The following TSPAN15 variants were observed in gnomAD, a reference collection of about 807,000 sequenced individuals.
The protein encoded by TSPAN15 is tetraspanin-15.
In TSPAN15, 20 loss-of-function variants were observed where a neutral mutation model predicts 34.5. That is an observed-to-expected ratio of 0.58 (90% CI 0.41 to 0.84). TSPAN15 has a LOEUF of 0.84. Ranked by LOEUF, TSPAN15 falls within the 40% of genes least tolerant of loss-of-function variation. The pLI is 0.00. For synonymous variants in TSPAN15, 155 were observed against 153.9 expected, an observed-to-expected ratio of 1.01 and a Z score of -0.05; for missense variants, 313 against 386.1, an observed-to-expected ratio of 0.81 and a Z score of 1.59.
chr10:69,523,616 C>T, the TSPAN15 span: 1 of 224,344 alleles, frequency 4.5e-6, no homozygotes, highest in Non-Finnish European at 8.7e-6. Context: ...GACGAGGCAC[C>T]CACGCCGGTG....
the TSPAN15 span, among the ~76,000 whole-genome samples, chr10:69,536,252 C>T: frequency 2.0e-5 from 3 of 152,170 alleles, no homozygotes; most frequent in Non-Finnish European, 4.4e-5. Flanking sequence ...TTAATGACTC[C>T]ATGGGAGCCA....
In TSPAN15 at chr10:69,478,355, C is replaced by A. The variant is rs10998824; in HGVS notation, c.97-5336C>A. Among the ~76,000 whole-genome samples the A allele has an allele frequency of 2.4e-4, 37 of 152,268 alleles. 1 individual carries two copies. The South Asian group carries it at 3.1e-3, about 13-fold the overall frequency. ...CTTGGAGTTTAGCTCTTCCCCACCC[C>A]CTTTCAAGCTAGAAAGTCTGAAAAG... On this transcript the variant is annotated intron_variant, in intron 1 of 7. Coordinates refer to ENST00000373290, the MANE Select transcript of TSPAN15 (RefSeq NM_012339.5).
intron 3 of TSPAN15, among the ~76,000 whole-genome samples, chr10:69,490,253 A>T (rs1841940298): frequency 3.9e-5 from 6 of 152,190 alleles, no homozygotes; most frequent in Admixed American, 3.9e-4. Flanking sequence ...CCAACACCTG[A>T]ATATATAAAG....
rs552415704 is a variant in TSPAN15, at chr10:69,497,204, T to A, written c.454-1076T>A. ...TACATTGCAGAAAGACAGTTCTAGG[T>A]CCCAAAACCTGGTGGCTTAAGGGGC... On this transcript the variant is annotated intron_variant, in intron 4 of 7. Coordinates refer to ENST00000373290, the MANE Select transcript of TSPAN15 (RefSeq NM_012339.5). Among the ~76,000 whole-genome samples, 6 of 152,248 alleles carry A rather than the reference T, an allele frequency of 3.9e-5. No homozygotes were observed. In the East Asian group the frequency reaches 1.2e-3, roughly 29 times the overall value.
chr10:69,474,499 T>C (rs1025482625), intron 1 of TSPAN15, among the ~76,000 whole-genome samples: 4 of 152,044 alleles, frequency 2.6e-5, no homozygotes, highest in Admixed American at 1.3e-4. Context: ...TTTCAAAGGG[T>C]CTGAGAGAAG....
chr10:69,496,320 CAATAATAATAAT>C (rs3028371), intron 4 of TSPAN15, among the ~76,000 whole-genome samples: 3,051 of 132,458 alleles, frequency 0.023, 99 homozygotes, highest in East Asian at 0.098. Flanking sequence ...TCTGTTGGTG[CAATAATAATAAT>C]AATAATAATA....
At chr10:69,487,490 G>A (rs554946636) in intron 3 of TSPAN15, among the ~76,000 whole-genome samples, 73 of 152,104 alleles carry the variant, frequency 4.8e-4, no homozygotes, top group African/African-American at 1.6e-3. Context: ...ATTTGCCCAT[G>A]GGGCTGCCTC....
chr10:69,485,341 A>G (rs1180495887), intron 3 of TSPAN15, 126 bp downstream of exon 3: 1 of 815,868 alleles, frequency 1.2e-6, no homozygotes, highest in Non-Finnish European at 2.1e-6. Flanking sequence ...TTCTGCTGAA[A>G]GAGAATGACA....
chr10:69,504,604 C>A, intron 6 of TSPAN15, 119 bp downstream of exon 6: 1 of 1,071,410 alleles, frequency 9.3e-7, no homozygotes, highest in Non-Finnish European at 1.4e-6. Context: ...ACATTCCTGG[C>A]TGTGACCCAG....
the TSPAN15 span, among the ~76,000 whole-genome samples, chr10:69,531,948 A>AAC: frequency 2.9e-4 from 37 of 128,738 alleles, no homozygotes; most frequent in Admixed American, 5.1e-4. Context: ...AACAAAAAAA[A>AAC]AACAAAAAAA....
chr10:69,504,568 G>A (rs781740340), intron 6 of TSPAN15, 83 bp downstream of exon 6: 3 of 1,442,434 alleles, frequency 2.1e-6, no homozygotes, highest in Non-Finnish European at 2.9e-6. Context: ...TATTGAGGTC[G>A]GGGTCCTGGC....
At chr10:69,473,927 G>A (rs1370530704) in intron 1 of TSPAN15, among the ~76,000 whole-genome samples, 3 of 152,010 alleles carry the variant, frequency 2.0e-5, no homozygotes, top group African/African-American at 2.4e-5. Flanking sequence ...TAAACCAAGG[G>A]CCACATATAT....
chr10:69,502,203 A>G (rs966735669), intron 5 of TSPAN15, among the ~76,000 whole-genome samples: 3 of 152,222 alleles, frequency 2.0e-5, no homozygotes, highest in African/African-American at 7.2e-5. Context: ...AATGTCTTAT[A>G]TGAGCTTCCA....
intron 1 of TSPAN15, among the ~76,000 whole-genome samples, chr10:69,470,929 G>C (rs900693598): frequency 6.6e-6 from 1 of 152,154 alleles, no homozygotes; most frequent in Admixed American, 6.5e-5. Flanking sequence ...CACATCCCAA[G>C]GCCATGGTGC....
downstream of TSPAN15, among the ~76,000 whole-genome samples, chr10:69,509,928 A>G (rs188616709): frequency 3.3e-5 from 5 of 152,072 alleles, no homozygotes; most frequent in African/African-American, 9.6e-5. Flanking sequence ...GTTCTGTTCT[A>G]TTGGTCTATA....
chr10:69,537,075 G>A, the TSPAN15 span, among the ~76,000 whole-genome samples: 2 of 151,756 alleles, frequency 1.3e-5, no homozygotes, highest in East Asian at 1.9e-4. Context: ...TAAAGGCCCT[G>A]TCTCCAAATA....
chr10:69,462,155 GTTTTTT>G (rs755068937), intron 1 of TSPAN15, among the ~76,000 whole-genome samples: 4 of 82,712 alleles, frequency 4.8e-5, no homozygotes, highest in Non-Finnish European at 7.3e-5. Context: ...TAATTTTAAA[GTTTTTT>G]TTTTTTTTTT....
intron 3 of TSPAN15, among the ~76,000 whole-genome samples, chr10:69,488,029 C>T (rs548636533): frequency 2.3e-4 from 35 of 152,188 alleles, no homozygotes; most frequent in Non-Finnish European, 4.4e-4. Context: ...ATTATAAATG[C>T]AGTAAGATCG....
chr10:69,498,325 C>G lies in TSPAN15; in HGVS notation c.499C>G (p.Gln167Glu), dbSNP rs555105334. 6.2e-7 allele frequency: 1 copy of G among 1,613,962 alleles called. No homozygotes were observed. The highest frequency in any genetic ancestry group is 8.5e-7 in the Non-Finnish European group (1 of 1,179,994). ...GEDYRDWSKN[Q>E]YHDCSAPGPL... ...GGACTACCGAGATTGGAGCAAGAAT[C>G]AGTACCACGACTGCAGTGCCCCTGG... Residue 167 changes from glutamine (Q) to glutamate (E), a missense_variant, in exon 5 of 8, where the codon CAG becomes GAG. Physicochemically the swap from Gln to Glu is conservative, Grantham distance 29 (BLOSUM62 2). Coordinates refer to ENST00000373290, the MANE Select transcript of TSPAN15 (RefSeq NM_012339.5).
Sources: gnomAD v4.1 joint callset for allele counts (sites outside exome capture counted in the v4.1 genomes callset) on GRCh38, gnomAD v4.1.1 for gene constraint, MANE v1.5 for transcripts, NCBI Gene and HGNC (gene_info 2026-07-23, HGNC 2026-07-21) for gene names.